The following MTMR12 variants were observed in gnomAD, a reference collection of about 807,000 sequenced individuals.
MTMR12 encodes the protein myotubularin related protein 12, also known as myotubularin-related protein 12.
A neutral mutation model predicts 96.7 loss-of-function variants in MTMR12; 33 were observed. That is an observed-to-expected ratio of 0.34 (90% CI 0.26 to 0.46). The LOEUF (loss-of-function observed/expected upper bound fraction) is 0.46. MTMR12 is among the 20% of genes least tolerant of loss of function. The pLI, the probability that MTMR12 is intolerant of heterozygous loss-of-function variation, is 1.00. For synonymous variants in MTMR12, 298 were observed against 327.2 expected (o/e 0.91, Z 0.96); for missense variants, 721 against 896.1 (o/e 0.80, Z 2.49).
chr5:32,297,912 G>T (rs190575393), intron 1 of MTMR12, among the ~76,000 whole-genome samples: 48 of 152,302 alleles, frequency 3.2e-4, no homozygotes, highest in Non-Finnish European at 6.3e-4. Flanking sequence ...AGCTTGATGG[G>T]ATAAGGACCT....
intron 1 of MTMR12, among the ~76,000 whole-genome samples, chr5:32,280,740 T>A (rs61219219): frequency 6.6e-6 from 1 of 151,974 alleles, no homozygotes; most frequent in Non-Finnish European, 1.5e-5. Flanking sequence ...GACTTTGGTC[T>A]TGTCATTTAA....
intron 13 of MTMR12, among the ~76,000 whole-genome samples, chr5:32,238,361 T>C (rs371758383): frequency 5.8e-4 from 89 of 152,182 alleles, no homozygotes; most frequent in African/African-American, 1.9e-3. Context: ...GGCATCACCA[T>C]GCCCAGTTTA....
chr5:32,270,676 C>A, intron 5 of MTMR12, 141 bp downstream of exon 5: 1 of 909,746 alleles, frequency 1.1e-6, no homozygotes, highest in Non-Finnish European at 1.6e-6. Context: ...ACGTTCTAAT[C>A]AAAGAATATG....
intron 8 of MTMR12, among the ~76,000 whole-genome samples, chr5:32,252,239 G>T (rs553341064): frequency 7.0e-4 from 107 of 152,304 alleles, no homozygotes; most frequent in African/African-American, 2.1e-3. Flanking sequence ...GAACAGACTG[G>T]GTGAAAAGCC....
chr5:32,246,169 A>AGTTTTTTTTTGTTT (rs1554056240), intron 10 of MTMR12, among the ~76,000 whole-genome samples: 23 of 130,806 alleles, frequency 1.8e-4, no homozygotes, highest in East Asian at 1.6e-3. Context: ...TTGAGTAGAC[A>AGTTTTTTTTTGTTT]GTTTTTTTTT....
intron 7 of MTMR12, among the ~76,000 whole-genome samples, chr5:32,259,684 C>T (rs955947275): frequency 3.3e-5 from 5 of 152,138 alleles, no homozygotes; most frequent in South Asian, 2.1e-4. Flanking sequence ...GAGGGGCAGA[C>T]AGTGCAATGA....
chr5:32,261,989 G>A (rs371861807), intron 7 of MTMR12, among the ~76,000 whole-genome samples: 151 of 152,060 alleles, frequency 9.9e-4, no homozygotes, highest in African/African-American at 3.2e-3. Flanking sequence ...GGAGAATGGC[G>A]TGAACCCAGG....
rs753290986 is a variant in MTMR12, at chr5:32,312,724, T to G, written c.81+34A>C. On this transcript the variant is annotated intron_variant, in intron 1 of 15. Transcript: ENST00000382142. This position sits in a 1 kb window ranked among gnomAD's most constrained non-coding sequence, Gnocchi z 5.0. ...CGGCGCCCCTCGCCCCGGCCGCCCCTGCCCGACGCCCCGCCTGCGCGGCGC... is the reference window on the plus strand; with the variant it reads ...CGGCGCCCCTCGCCCCGGCCGCCCCGGCCCGACGCCCCGCCTGCGCGGCGC... 1.4e-6 allele frequency: 2 copies of G among 1,472,230 alleles called. No individual in the cohort carries two copies. The highest frequency in any genetic ancestry group is 1.8e-6 in the Non-Finnish European group (2 of 1,112,848). 91.2% of individuals were successfully genotyped at this position (1,472,230 alleles called of 1,614,324 possible). A position where few individuals can be genotyped will look rare whatever the true frequency, so the allele number is the denominator to read the frequency against.
intron 6 of MTMR12, among the ~76,000 whole-genome samples, 190 bp downstream of exon 6, chr5:32,268,511 A>C (rs1477246721): frequency 4.6e-5 from 7 of 151,438 alleles, no homozygotes; most frequent in Non-Finnish European, 7.4e-5. Context: ...CCATCTTTAA[A>C]AAAAAAAAAA....
rs775065517 is a variant in MTMR12 at position 32,268,807 on chromosome 5, C to T, written c.490-13G>A. Reference sequence around the variant, plus strand: ...TGCCACTGACAATCTAAAAAAGAATCGAACAATGGATATAGTTATGGTTTT... The same window carrying T: ...TGCCACTGACAATCTAAAAAAGAATTGAACAATGGATATAGTTATGGTTTT... On this transcript the variant is annotated splice_polypyrimidine_tract_variant and intron_variant, in intron 5 of 15. Coordinates refer to ENST00000382142, the MANE Select transcript of MTMR12 (RefSeq NM_001040446.3). The T allele has an allele frequency of 1.2e-5, 19 of 1,591,614 alleles. No individual in the cohort carries two copies. The East Asian group carries it at 1.8e-4, about 15-fold the overall frequency.
intron 1 of MTMR12, among the ~76,000 whole-genome samples, chr5:32,304,277 G>A (rs77461875): frequency 0.015 from 2,235 of 151,610 alleles, 37 homozygotes; most frequent in East Asian, 0.07. Context: ...CCAAGATCGC[G>A]CCATTACACC....
intron 10 of MTMR12, among the ~76,000 whole-genome samples, chr5:32,245,081 C>T (rs1315118926): frequency 3.3e-5 from 5 of 152,180 alleles, no homozygotes; most frequent in African/African-American, 1.2e-4. Context: ...CAGGCTGGAG[C>T]GCAATGTGCA....
intron 3 of MTMR12, among the ~76,000 whole-genome samples, chr5:32,272,223 G>A (rs1223163343): frequency 1.3e-5 from 2 of 151,960 alleles, no homozygotes; most frequent in Non-Finnish European, 2.9e-5. Flanking sequence ...ACCAGGAGGT[G>A]GAGCTTGCAG....
intron 7 of MTMR12, among the ~76,000 whole-genome samples, chr5:32,260,382 G>A (rs1290724761): frequency 2.0e-5 from 3 of 151,708 alleles, no homozygotes; most frequent in Non-Finnish European, 2.9e-5. Flanking sequence ...CCACGGAGCA[G>A]CGACTACAGT....
intron 1 of MTMR12, among the ~76,000 whole-genome samples, chr5:32,287,134 A>T (rs558229698): frequency 7.2e-5 from 11 of 152,344 alleles, no homozygotes; most frequent in African/African-American, 2.4e-4. Flanking sequence ...AATGAGCAGA[A>T]ATTAGTTCCA....
chr5:32,301,873 T>A (rs556471706), intron 1 of MTMR12, among the ~76,000 whole-genome samples: 1 of 150,844 alleles, frequency 6.6e-6, no homozygotes, highest in Admixed American at 6.6e-5. Flanking sequence ...GACTACTCCA[T>A]CTCAAAAAAT....
At chr5:32,294,156 A>G (rs919056196) in intron 1 of MTMR12, among the ~76,000 whole-genome samples, 14 of 152,000 alleles carry the variant, frequency 9.2e-5, no homozygotes, top group Non-Finnish European at 1.5e-4. Flanking sequence ...CTGTCCATCC[A>G]ACTCACTGTC....
intron 15 of MTMR12, among the ~76,000 whole-genome samples, chr5:32,231,381 CAAAAAAAA>C (rs548654471): frequency 2.1e-5 from 1 of 47,228 alleles, no homozygotes; most frequent in African/African-American, 7.3e-5. Flanking sequence ...CTCTGGCTCG[CAAAAAAAA>C]AAAAAAAAAA....
At chr5:32,298,952 CAAAA>C (rs766708610) in intron 1 of MTMR12, among the ~76,000 whole-genome samples, 1 of 54,648 alleles carries the variant, frequency 1.8e-5, no homozygotes. Flanking sequence ...GACTCCATCT[CAAAA>C]AAAAAAAAAA....
Sources: allele counts gnomAD v4.1 joint callset (sites outside exome capture counted in the v4.1 genomes callset), GRCh38; gene constraint gnomAD v4.1.1; non-coding constraint Gnocchi (gnomAD v3.1); transcripts MANE v1.5; gene names NCBI Gene and HGNC (gene_info 2026-07-23, HGNC 2026-07-21).